Variants in RSRC1 observed in about 807,000 individuals in gnomAD.
RSRC1 encodes serine/Arginine-related protein 53.
Under a neutral mutation model 49.1 loss-of-function variants are expected in RSRC1, and 39 were observed. The ratio of observed to expected loss-of-function variants is 0.79; its 90% confidence interval spans 0.61 to 1.04. The LOEUF (loss-of-function observed/expected upper bound fraction) is 1.04. RSRC1 is among the 50% of genes least tolerant of loss of function. The pLI is 0.00. For missense variants in RSRC1, 388 were observed against 402.4 expected (o/e 0.96, Z 0.31); for synonymous variants, 143 against 130.8 (o/e 1.09, Z -0.63).
At chr3:158,435,204 A>G (rs1320934266) in intron 6 of RSRC1, among the ~76,000 whole-genome samples, 1 of 151,834 alleles carries the variant, frequency 6.6e-6, no homozygotes, top group Non-Finnish European at 1.5e-5. Context: ...AAGTGTTTGA[A>G]GTGAAATCTC....
chr3:158,220,270 G>A (rs1307917885), intron 4 of RSRC1, among the ~76,000 whole-genome samples: 1 of 151,556 alleles, frequency 6.6e-6, no homozygotes, highest in Non-Finnish European at 1.5e-5. Flanking sequence ...AGTGAAAGTA[G>A]AAAGGAACTT....
chr3:158,446,740 G>A (rs1736742736), intron 6 of RSRC1, among the ~76,000 whole-genome samples: 1 of 151,878 alleles, frequency 6.6e-6, no homozygotes, highest in Non-Finnish European at 1.5e-5. Flanking sequence ...TCTACCTTAA[G>A]CTGCCATTAC....
intron 7 of RSRC1, among the ~76,000 whole-genome samples, chr3:158,492,885 C>T (rs534764190): frequency 1.3e-5 from 2 of 152,190 alleles, no homozygotes; most frequent in African/African-American, 4.8e-5. Flanking sequence ...CAACCTTTGC[C>T]AGAAGAAATG....
intron 4 of RSRC1, among the ~76,000 whole-genome samples, chr3:158,289,923 C>CCA (rs1726819152): frequency 7.1e-6 from 1 of 140,834 alleles, no homozygotes; most frequent in African/African-American, 2.7e-5. Context: ...TTCTATCTTT[C>CCA]TATCCATCCA....
At chr3:158,515,917 A>G (rs1740497052) in intron 7 of RSRC1, among the ~76,000 whole-genome samples, 1 of 151,222 alleles carries the variant, frequency 6.6e-6, no homozygotes, top group African/African-American at 2.4e-5. Flanking sequence ...TGCATTCTTC[A>G]CGTAGTTCTC....
intron 4 of RSRC1, among the ~76,000 whole-genome samples, chr3:158,267,128 G>C (rs1411191471): frequency 1.3e-5 from 2 of 152,088 alleles, no homozygotes; most frequent in Non-Finnish European, 2.9e-5. Flanking sequence ...ATTATTGATT[G>C]ACAATTTTTT....
Position 158,340,132 on chromosome 3 carries a change from G to T in RSRC1, c.532-14725G>T, listed in dbSNP as rs184409354. On this transcript the variant is annotated intron_variant, in intron 5 of 9. Transcript: ENST00000611884. ...TGTTGTGGGAGGGATCCAGGGGGAG[G>T]TAATTGAATCATGGGGGCTGGTCTT... 1.8e-4 allele frequency among the ~76,000 whole-genome samples: 28 copies of T among 152,228 alleles called. No homozygotes were observed. In the East Asian group the frequency reaches 3.1e-3, roughly 17 times the overall value.
At chr3:158,400,004 CCTAA>C (rs1733820172) in intron 6 of RSRC1, among the ~76,000 whole-genome samples, 1 of 152,210 alleles carries the variant, frequency 6.6e-6, no homozygotes, top group Admixed American at 6.5e-5. Context: ...CTAATTGTAA[CCTAA>C]CTGATAGAAA....
chr3:158,352,084 A>G (rs1228716210), intron 5 of RSRC1, among the ~76,000 whole-genome samples: 1 of 151,902 alleles, frequency 6.6e-6, no homozygotes, highest in East Asian at 1.9e-4. Context: ...AACCTGGGCA[A>G]CATGGTGAGA....
chr3:158,215,292 T>C (rs1333377909), intron 4 of RSRC1, among the ~76,000 whole-genome samples: 1 of 136,844 alleles, frequency 7.3e-6, no homozygotes, highest in Admixed American at 8.0e-5. Context: ...TTCTTGCATA[T>C]AGATAGTTTT....
chr3:158,432,104 C>T (rs958324661), intron 6 of RSRC1, among the ~76,000 whole-genome samples: 4 of 151,900 alleles, frequency 2.6e-5, no homozygotes, highest in African/African-American at 9.7e-5. Context: ...TTCCAAAGTT[C>T]TAATAATCTC....
chr3:158,196,579 A>G (rs1309039773), intron 3 of RSRC1, among the ~76,000 whole-genome samples: 2 of 152,112 alleles, frequency 1.3e-5, no homozygotes, highest in Non-Finnish European at 2.9e-5. Context: ...GTCTTGTGCC[A>G]GTTTTCAAAG....
At chr3:158,258,609 T>G (rs926710367) in intron 4 of RSRC1, among the ~76,000 whole-genome samples, 1 of 152,194 alleles carries the variant, frequency 6.6e-6, no homozygotes, top group Non-Finnish European at 1.5e-5. Flanking sequence ...AAATTCTCTG[T>G]TTTTATCCCT....
intron 4 of RSRC1, among the ~76,000 whole-genome samples, chr3:158,268,709 C>G (rs1293272587): frequency 6.6e-6 from 1 of 152,106 alleles, no homozygotes; most frequent in Non-Finnish European, 1.5e-5. Flanking sequence ...TAATTGTTTT[C>G]TGTCAGCAGT....
intron 4 of RSRC1, among the ~76,000 whole-genome samples, chr3:158,267,556 C>T (rs1338876329): frequency 2.0e-5 from 3 of 151,828 alleles, no homozygotes; most frequent in African/African-American, 7.3e-5. Flanking sequence ...TTTTCTTGTA[C>T]TCCAAATTGA....
At chr3:158,313,861 C>G (rs1336100582) in intron 5 of RSRC1, among the ~76,000 whole-genome samples, 1 of 152,166 alleles carries the variant, frequency 6.6e-6, no homozygotes, top group African/African-American at 2.4e-5. Context: ...ATATTCACTC[C>G]TATCCTTCTT....
intron 4 of RSRC1, among the ~76,000 whole-genome samples, chr3:158,282,127 T>C (rs899242267): frequency 2.6e-5 from 4 of 152,208 alleles, no homozygotes; most frequent in African/African-American, 9.6e-5. Flanking sequence ...AAGAGCTTCA[T>C]GTGGTAACAA....
intron 5 of RSRC1, among the ~76,000 whole-genome samples, chr3:158,310,437 C>T (rs1246976692): frequency 1.3e-5 from 2 of 151,630 alleles, no homozygotes; most frequent in African/African-American, 4.8e-5. Context: ...AACCTAAGTT[C>T]AATTTTTTAA....
intron 5 of RSRC1, among the ~76,000 whole-genome samples, chr3:158,324,887 G>A (rs986643199): frequency 3.3e-5 from 5 of 152,188 alleles, no homozygotes; most frequent in African/African-American, 9.7e-5. Flanking sequence ...ATCCTCTCCA[G>A]CACCTGCTGT....
Sources: gnomAD v4.1 joint callset for allele counts (sites outside exome capture counted in the v4.1 genomes callset) on GRCh38, gnomAD v4.1.1 for gene constraint, MANE v1.5 for transcripts, NCBI Gene and HGNC (gene_info 2026-07-23, HGNC 2026-07-21) for gene names.